Variants in POLN observed in about 807,000 individuals in gnomAD.
POLN encodes the protein DNA polymerase nu.
Under a neutral mutation model 113.5 loss-of-function variants are expected in POLN, and 108 were observed. That is an observed-to-expected ratio of 0.95 (90% CI 0.81 to 1.12). The LOEUF is 1.12. Among genes scored for constraint, POLN ranks in the 50% most tolerant of loss-of-function variants. POLN has a pLI of 0.00. For synonymous variants in POLN, 386 were observed against 391.5 expected (o/e 0.99, Z 0.17); for missense variants, 1,097 against 1,077.1 (o/e 1.02, Z -0.26).
chr4:2,124,207 G>A (rs1731519720), intron 19 of POLN, among the ~76,000 whole-genome samples: 1 of 152,134 alleles, frequency 6.6e-6, no homozygotes. Flanking sequence ...AATTGGGAGT[G>A]GTGGTTAATG....
At chr4:2,189,272 T>C (rs1449961966) in intron 7 of POLN, among the ~76,000 whole-genome samples, 1 of 152,230 alleles carries the variant, frequency 6.6e-6, no homozygotes, top group East Asian at 1.9e-4. Flanking sequence ...TCCTGCTTAC[T>C]AGAAACCCAC....
chr4:2,157,722 CAAAAAAAAAA>C (rs71644319), intron 15 of POLN, 126 bp downstream of exon 15: 35 of 134,676 alleles, frequency 2.6e-4, no homozygotes, highest in East Asian at 6.9e-4. Context: ...GACTCTGTCT[CAAAAAAAAAA>C]AAAAAAAAAA....
chr4:2,157,530 C>T (rs1241514698), intron 15 of POLN, among the ~76,000 whole-genome samples: 1 of 151,888 alleles, frequency 6.6e-6, no homozygotes, highest in Non-Finnish European at 1.5e-5. Context: ...TTGAGACCAG[C>T]CTGGCCAACA....
At chr4:2,220,387 G>C (rs912822078) in intron 3 of POLN, among the ~76,000 whole-genome samples, 1 of 152,142 alleles carries the variant, frequency 6.6e-6, no homozygotes, top group Non-Finnish European at 1.5e-5. Context: ...AATCCCCGTG[G>C]GCAGCTTCCT....
chr4:2,241,079 C>A (rs2108781974), intron 2 of POLN: 1 of 666,544 alleles, frequency 1.5e-6, no homozygotes, highest in South Asian at 2.0e-5. Context: ...TTTTTAGAAT[C>A]TATAATGATT....
chr4:2,214,619 A>C (rs1734069043), intron 3 of POLN, among the ~76,000 whole-genome samples: 1 of 152,178 alleles, frequency 6.6e-6, no homozygotes, highest in South Asian at 2.1e-4. Flanking sequence ...ATAACTGGAA[A>C]CACAGGGGAA....
chr4:2,091,942 C>T (rs1416166378), intron 20 of POLN, among the ~76,000 whole-genome samples: 1 of 152,226 alleles, frequency 6.6e-6, no homozygotes, highest in Admixed American at 6.5e-5. Flanking sequence ...AGTGCCTGCA[C>T]ATAGTGGGCC....
At chr4:2,076,075 TC>T (rs1730267928) in intron 23 of POLN, among the ~76,000 whole-genome samples, 1 of 151,878 alleles carries the variant, frequency 6.6e-6, no homozygotes, top group African/African-American at 2.4e-5. Flanking sequence ...GCCCCACCCT[TC>T]CCCAGCCTCC....
At position 2,195,461 on chromosome 4, in the gene POLN, T is replaced by G. The variant is rs890327436; in HGVS notation, c.909-2145A>C. ...GGAAGGTCTGATAAGGTAATTCTGT[T>G]TTTTTTTTTTTAGCTTGGTAATTCT... is the stretch of plus-strand genomic sequence containing the variant. On this transcript the variant is annotated intron_variant, in intron 6 of 25. Coordinates refer to ENST00000511885, the MANE Select transcript of POLN (RefSeq NM_181808.4). 3.6e-5 allele frequency among the ~76,000 whole-genome samples: 3 copies of G among 83,342 alleles called. No homozygotes were observed. The African/African-American group carries it at 7.0e-4, about 19-fold the overall frequency. 54.7% of individuals were successfully genotyped at this position (83,342 alleles called of 152,430 possible). A position where few individuals can be genotyped will look rare whatever the true frequency, so the allele number is the denominator to read the frequency against.
intron 7 of POLN, among the ~76,000 whole-genome samples, chr4:2,186,121 G>A (rs181000113): frequency 6.6e-6 from 1 of 152,274 alleles, no homozygotes; most frequent in African/African-American, 2.4e-5. Context: ...TCCCCAATCT[G>A]CCAGTCACCA....
intron 8 of POLN, among the ~76,000 whole-genome samples, chr4:2,176,916 C>A (rs1733011492): frequency 6.6e-6 from 1 of 152,152 alleles, no homozygotes; most frequent in African/African-American, 2.4e-5. Flanking sequence ...AGGACCTCTT[C>A]AACACCCCAT....
At chr4:2,089,414 G>C in intron 20 of POLN, 1 of 1,381,612 alleles carries the variant, frequency 7.2e-7, no homozygotes, top group African/African-American at 1.5e-5. Flanking sequence ...ACAGATGACT[G>C]GTTACAAAGG....
At chr4:2,084,877 T>G (rs3117809) in intron 21 of POLN, among the ~76,000 whole-genome samples, 128,012 of 152,190 alleles carry the variant, frequency 0.84, 54,431 homozygotes, top group Non-Finnish European at 0.9. Context: ...TTCATTAATT[T>G]CTGCTCTCCC....
intron 19 of POLN, among the ~76,000 whole-genome samples, chr4:2,112,286 G>A (rs1731215272): frequency 6.6e-6 from 1 of 152,172 alleles, no homozygotes; most frequent in Non-Finnish European, 1.5e-5. Flanking sequence ...AAAAACCCTA[G>A]AAGAAAACCT....
chr4:2,097,278 T>C (rs537591669), intron 19 of POLN, among the ~76,000 whole-genome samples: 55 of 152,078 alleles, frequency 3.6e-4, no homozygotes, highest in African/African-American at 1.3e-3. Context: ...CCAGGTCCCA[T>C]GCTAGGAACA....
At chr4:2,221,343 G>C (rs58819372) in intron 3 of POLN, among the ~76,000 whole-genome samples, 27,866 of 151,996 alleles carry the variant, frequency 0.18, 4,433 homozygotes, top group African/African-American at 0.41. Context: ...AAAATCTTGG[G>C]AATCCCAAGT....
At chr4:2,139,180 G>C in intron 16 of POLN, among the ~76,000 whole-genome samples, 1 of 152,222 alleles carries the variant, frequency 6.6e-6, no homozygotes, top group East Asian at 1.9e-4. Context: ...GTCACCAGCA[G>C]GGCAGAGTGG....
intron 23 of POLN, among the ~76,000 whole-genome samples, chr4:2,078,294 G>A (rs1310445900): frequency 2.6e-5 from 4 of 152,192 alleles, no homozygotes; most frequent in African/African-American, 4.8e-5. Context: ...GCCTGTGAAC[G>A]CTGGCCACCG....
chr4:2,163,192 G>A (rs1488488464), intron 13 of POLN, among the ~76,000 whole-genome samples: 5 of 152,128 alleles, frequency 3.3e-5, no homozygotes, highest in African/African-American at 1.2e-4. Flanking sequence ...AAGAGTTGTG[G>A]CCATAAAACA....
Sources: allele counts gnomAD v4.1 joint callset (sites outside exome capture counted in the v4.1 genomes callset), GRCh38; gene constraint gnomAD v4.1.1; transcripts MANE v1.5; gene names NCBI Gene and HGNC (gene_info 2026-07-23, HGNC 2026-07-21).